LRP2: variants seen among roughly 807,000 people sequenced by gnomAD.
LRP2 encodes the protein LDL receptor related protein 2, also known as low-density lipoprotein receptor-related protein 2.
In LRP2, 172 loss-of-function variants were observed where a neutral mutation model predicts 531.0. The ratio of observed to expected loss-of-function variants is 0.32; its 90% CI spans 0.29 to 0.37. The LOEUF (loss-of-function observed/expected upper bound fraction) is 0.37, where lower values mean the gene tolerates loss of function less well. LRP2 is among the 10% of genes least tolerant of loss of function. The pLI is 1.00. For missense variants in LRP2, 5,167 were observed against 5,868.3 expected (o/e 0.88, Z 3.90); for synonymous variants, 1,992 against 2,027.6 (o/e 0.98, Z 0.47).
intron 4 of LRP2, among the ~76,000 whole-genome samples, chr2:169,301,130 A>C (rs1186315101): frequency 1.3e-5 from 2 of 152,112 alleles, no homozygotes; most frequent in Non-Finnish European, 2.9e-5. Flanking sequence ...AACAAAAGAG[A>C]AGTGCTGCAA....
chr2:169,179,765 T>C (rs1687356985), intron 52 of LRP2, among the ~76,000 whole-genome samples: 1 of 146,764 alleles, frequency 6.8e-6, no homozygotes, highest in Non-Finnish European at 1.5e-5. Flanking sequence ...GCTCCAGTGA[T>C]GTGTTGGTGC....
intron 52 of LRP2, among the ~76,000 whole-genome samples, chr2:169,179,693 C>G (rs910565668): frequency 1.7e-4 from 25 of 149,406 alleles, no homozygotes; most frequent in African/African-American, 6.2e-4. Context: ...GCACTTCAGC[C>G]TGGGCAACAA....
At chr2:169,264,478 G>A (rs1690711381) in intron 16 of LRP2, among the ~76,000 whole-genome samples, 2 of 151,936 alleles carry the variant, frequency 1.3e-5, no homozygotes, top group African/African-American at 4.8e-5. Flanking sequence ...CTGATTCTAA[G>A]TCCTCAAAAA....
chr2:169,306,618 A>G (rs556823344), intron 4 of LRP2, among the ~76,000 whole-genome samples: 3 of 152,296 alleles, frequency 2.0e-5, no homozygotes, highest in African/African-American at 7.2e-5. Flanking sequence ...TAGGACTGAC[A>G]CAGCAGACTA....
At chr2:169,190,138 T>A (rs1049797902) in intron 48 of LRP2, among the ~76,000 whole-genome samples, 1 of 152,200 alleles carries the variant, frequency 6.6e-6, no homozygotes, top group East Asian at 1.9e-4. Flanking sequence ...AGAAAAACTA[T>A]AGAAGTGCAA....
intron 1 of LRP2, among the ~76,000 whole-genome samples, chr2:169,355,876 CTG>C (rs1685973289): frequency 6.6e-6 from 1 of 152,180 alleles, no homozygotes; most frequent in South Asian, 2.1e-4. Context: ...ACCTAATTAT[CTG>C]TATCTTTTCA....
chr2:169,247,086 T>C (rs1485737121), intron 20 of LRP2, 100 bp from the exon 21 acceptor site: 1 of 1,345,328 alleles, frequency 7.4e-7, no homozygotes, highest in African/African-American at 1.4e-5. Context: ...AAAACATTTT[T>C]CAGACCCAAT....
At chr2:169,311,536 T>C (rs142912973) in intron 3 of LRP2, among the ~76,000 whole-genome samples, 49,644 of 151,992 alleles carry the variant, frequency 0.33, 8,543 homozygotes, top group African/African-American at 0.45. Flanking sequence ...ATCCTGAGTT[T>C]TAGTTTGATT....
In LRP2 at chr2:169,318,755, C is replaced by T; in HGVS notation, c.310+7G>A. On this transcript the variant is annotated splice_region_variant and intron_variant, in intron 3 of 78. Coordinates refer to ENST00000649046, the MANE Select transcript of LRP2 (RefSeq NM_004525.3). ...AGCCAAAGCAAGATTCCTCTCCAAA[C>T]ACTTACAGCAATCTTGACGTTCATC... 2 of 1,614,084 alleles carry T rather than the reference C, an allele frequency of 1.2e-6. No homozygotes were observed. Among genetic ancestry groups the T allele is most frequent in the East Asian group, 2.2e-5 (1 of 44,886 alleles).
rs764282560 is a variant in LRP2, at chr2:169,181,444, G to A, written c.10169+4C>T. 21 of 1,613,144 alleles carry A rather than the reference G, an allele frequency of 1.3e-5. No individual in the cohort carries two copies. The highest frequency in any genetic ancestry group is 4.0e-5 in the African/African-American group (3 of 74,894). ...AATTGTTTTATGCTTTTCTATGTAC[G>A]TACTCTATGTAACCCAGGTGGGCAT... On this transcript the variant is annotated splice_donor_region_variant and intron_variant, in intron 52 of 78. Transcript: ENST00000649046.
At position 169,231,151 on chromosome 2, in the gene LRP2, G is replaced by A. The variant is rs1405741237; in HGVS notation, c.5227+563C>T. On this transcript the variant is annotated intron_variant, in intron 31 of 78. Transcript: ENST00000649046. ...TCTACAAAAAATACAAAAATTAGCC[G>A]GGTGTGGTGGCGTGCACCTATAGTC... Among the ~76,000 whole-genome samples, 7 of 152,146 alleles carry A rather than the reference G, an allele frequency of 4.6e-5. No homozygotes were observed. The East Asian group carries it at 9.7e-4, about 21-fold the overall frequency.
intron 16 of LRP2, among the ~76,000 whole-genome samples, chr2:169,262,689 C>A (rs1690612410): frequency 6.7e-6 from 1 of 149,138 alleles, no homozygotes; most frequent in South Asian, 2.2e-4. Flanking sequence ...TTTATAGATT[C>A]AATGCCATCC....
In LRP2 at chr2:169,231,092, G is replaced by A. The variant is rs1689380742; in HGVS notation, c.5227+622C>T. Among the ~76,000 whole-genome samples, 5 of 152,040 alleles carry A rather than the reference G, an allele frequency of 3.3e-5. No homozygotes were observed. The South Asian group carries it at 8.3e-4, about 25-fold the overall frequency. On this transcript the variant is annotated intron_variant, in intron 31 of 78. Coordinates refer to ENST00000649046, the MANE Select transcript of LRP2 (RefSeq NM_004525.3). ...GTGGATGGCCTGAGGGCAGAACTTGGAGACCAGCCTGGGCAACATGGCAAA... is the reference window on the plus strand; with the variant it reads ...GTGGATGGCCTGAGGGCAGAACTTGAAGACCAGCCTGGGCAACATGGCAAA...
At chr2:169,211,850 G>A in intron 37 of LRP2, 118 bp downstream of exon 37, 1 of 1,377,396 alleles carries the variant, frequency 7.3e-7, no homozygotes. Context: ...TGATTTAAAG[G>A]GAAAGGAAAG....
At chr2:169,296,143 T>G (rs538048028) in intron 4 of LRP2, among the ~76,000 whole-genome samples, 1 of 152,250 alleles carries the variant, frequency 6.6e-6, no homozygotes, top group Admixed American at 6.5e-5. Flanking sequence ...GACTCTCCAA[T>G]GATCTTTTTT....
rs61381788 is a variant in LRP2 at position 169,158,061 on chromosome 2, T to TACACACACACACACAC, written c.11888-575_11888-560dup. Among the ~76,000 whole-genome samples the TACACACACACACACAC allele has an allele frequency of 1.8e-3, 251 of 141,476 alleles. 2 individuals carry two copies. The highest frequency in any genetic ancestry group is 6.2e-3 in the African/African-American group (237 of 38,356). The allele number at this position is 141,476 out of a possible 152,430, so 92.8% of individuals were successfully genotyped here. The stretch of plus-strand genomic sequence containing the variant: ...CCCTAACATTGACCAATTGATTATA[T>TACACACACACACACAC]ACACACACACACACACACACACACA... On this transcript the variant is annotated intron_variant, in intron 63 of 78. Transcript: ENST00000649046.
At position 169,206,905 on chromosome 2, in the gene LRP2, C is replaced by A; in HGVS notation, c.6815G>T (p.Arg2272Leu). The A allele has an allele frequency of 6.2e-7, 1 of 1,614,140 alleles. No homozygotes were observed. Among genetic ancestry groups the A allele is most frequent in the Non-Finnish European group, 8.5e-7 (1 of 1,180,036 alleles). ...AGGAGTTGGGTAACGACTGCCATAA[C>A]GAATCACTTCAGAGTTCTCTCCATT... ...RINGENSEVI[R>L]YGSRYPTPYG... Residue 2272 changes from arginine (R) to leucine (L), a missense_variant, in exon 39 of 79, where the codon CGT becomes CTT. By Grantham distance (102) the Arg-to-Leu change is moderately radical (BLOSUM62 -2). Coordinates refer to ENST00000649046, the MANE Select transcript of LRP2 (RefSeq NM_004525.3).
chr2:169,329,920 G>C (rs1685221329), intron 1 of LRP2, among the ~76,000 whole-genome samples: 1 of 152,226 alleles, frequency 6.6e-6, no homozygotes, highest in African/African-American at 2.4e-5. Flanking sequence ...GTGAGCATTA[G>C]TGCCTGAGCT....
intron 16 of LRP2, among the ~76,000 whole-genome samples, chr2:169,259,783 A>G (rs1690471745): frequency 1.3e-5 from 2 of 151,998 alleles, no homozygotes; most frequent in African/African-American, 2.4e-5. Flanking sequence ...TGGAGTTATT[A>G]TGCTTTCTTT....
Sources: allele counts gnomAD v4.1 joint callset (sites outside exome capture counted in the v4.1 genomes callset), GRCh38; gene constraint gnomAD v4.1.1; transcripts MANE v1.5; gene names NCBI Gene and HGNC (gene_info 2026-07-23, HGNC 2026-07-21).